The following DNAH12 variants were observed in gnomAD, a reference collection of about 807,000 sequenced individuals.
DNAH12 encodes the protein axonemal beta dynein heavy chain 12.
Under a neutral mutation model 371.5 loss-of-function variants are expected in DNAH12, and 285 were observed. The ratio of observed to expected loss-of-function variants is 0.77; its 90% CI spans 0.70 to 0.85. The LOEUF is 0.85. Among genes scored for constraint, DNAH12 ranks in the 40% least tolerant of loss-of-function variants. The probability of loss-of-function intolerance (pLI) is 0.00; values close to 1 mark genes in which losing one functional copy is unlikely to be tolerated. For missense variants in DNAH12, 3,611 were observed against 3,689.4 expected, an observed-to-expected ratio of 0.98 and a Z score of 0.55; for synonymous variants, 1,200 against 1,213.0, an observed-to-expected ratio of 0.99 and a Z score of 0.22.
In DNAH12 at chr3:57,336,469, T is replaced by C. The variant is rs1034374815; in HGVS notation, c.9675-1529A>G. 5.9e-5 allele frequency among the ~76,000 whole-genome samples: 9 copies of C among 152,186 alleles called. No homozygotes were observed. The East Asian group carries it at 1.5e-3, about 26-fold the overall frequency. On this transcript the variant is annotated intron_variant, in intron 60 of 73. Transcript: ENST00000495027. ...AAAAATACATAATCTGTTATAGGAATAGAAAAAAACCTAAAGATAAAAATA... is the reference window on the plus strand; with the variant it reads ...AAAAATACATAATCTGTTATAGGAACAGAAAAAAACCTAAAGATAAAAATA...
chr3:57,402,264 G>T, intron 43 of DNAH12: 1 of 610,502 alleles, frequency 1.6e-6, no homozygotes, highest in Non-Finnish European at 2.4e-6. Context: ...TGTAGAAATT[G>T]TTTGTGAAAG....
In DNAH12 at chr3:57,408,498, C is replaced by T. The variant is rs1266770563; in HGVS notation, c.6058G>A (p.Asp2020Asn). The T allele has an allele frequency of 1.0e-5, 16 of 1,549,620 alleles. No homozygotes were observed. The highest frequency in any genetic ancestry group is 1.3e-5 in the Non-Finnish European group (15 of 1,146,154). Residue 2020 changes from aspartate (D) to asparagine (N), a missense_variant, in exon 40 of 74, where the codon GAC (aspartate) becomes AAC (asparagine). Around this residue, in one of 3 missense-constraint regions of DNAH12, gnomAD observed 2,266 missense variants for 2,236.9 expected, o/e 1.01. Transcript: ENST00000495027. ...CCCATTGCAGCAATCAGCTCTATGT[C>T]CACCAGCGTGATTTTACTTGTGTCC... ...LKDTSKITLV[D>N]IELIAAMGPP... is the part of the protein sequence containing the mutation.
chr3:57,328,649 AC>A (rs1367701806), intron 62 of DNAH12, among the ~76,000 whole-genome samples: 3 of 147,362 alleles, frequency 2.0e-5, no homozygotes, highest in African/African-American at 7.5e-5. Flanking sequence ...GAAAACTGGC[AC>A]AAGACAGGGA....
chr3:57,321,767 T>C (rs957496701), intron 65 of DNAH12, among the ~76,000 whole-genome samples: 1 of 152,180 alleles, frequency 6.6e-6, no homozygotes, highest in East Asian at 1.9e-4. Context: ...TTGGTTACCA[T>C]ACATTTATAC....
chr3:57,428,585 T>C (rs778048523), intron 34 of DNAH12, 48 bp downstream of exon 34: 2 of 1,510,850 alleles, frequency 1.3e-6, no homozygotes, highest in Non-Finnish European at 1.8e-6. Context: ...TTAGTCAAGT[T>C]GAATGGAAAC....
intron 16 of DNAH12, among the ~76,000 whole-genome samples, chr3:57,469,911 T>A (rs1052706326): frequency 6.6e-6 from 1 of 152,044 alleles, no homozygotes; most frequent in African/African-American, 2.4e-5. Context: ...ATAGGATCAT[T>A]TGTACCCCAA....
chr3:57,296,582 G>A, intron 71 of DNAH12, 147 bp from the exon 72 acceptor site: 1 of 773,370 alleles, frequency 1.3e-6, no homozygotes, highest in Non-Finnish European at 2.0e-6. Flanking sequence ...GCCGTAGTTT[G>A]TAAAAAAGTA....
rs561941716 is a variant in DNAH12, at chr3:57,535,950, C to T, written c.170+6751G>A. 4.6e-5 allele frequency among the ~76,000 whole-genome samples: 7 copies of T among 151,982 alleles called. No homozygotes were observed. The East Asian group carries it at 7.7e-4, about 17-fold the overall frequency. On this transcript the variant is annotated intron_variant, in intron 2 of 73. Coordinates refer to ENST00000495027, the MANE Select transcript of DNAH12 (RefSeq NM_001366028.2). Reference sequence around the variant, plus strand: ...CTCCCGGGTTCAAGTGATTCTCCTGCCTCAGCCACCTGAGTCGCTGGGATT... The same window carrying T: ...CTCCCGGGTTCAAGTGATTCTCCTGTCTCAGCCACCTGAGTCGCTGGGATT...
At chr3:57,476,170 C>T (rs1293036449) in intron 13 of DNAH12, among the ~76,000 whole-genome samples, 2 of 151,902 alleles carry the variant, frequency 1.3e-5, no homozygotes, top group East Asian at 3.8e-4. Context: ...GGTATGATTC[C>T]CTTTATATAA....
At chr3:57,444,547 A>T (rs1216273142) in intron 29 of DNAH12, 150 bp downstream of exon 29, 7 of 1,188,622 alleles carry the variant, frequency 5.9e-6, no homozygotes, top group Non-Finnish European at 8.2e-6. Context: ...GAAAGTACCC[A>T]AATTTACTTA....
chr3:57,451,182 A>G (rs956731146), intron 25 of DNAH12, among the ~76,000 whole-genome samples: 4 of 152,230 alleles, frequency 2.6e-5, no homozygotes, highest in Admixed American at 2.6e-4. Flanking sequence ...AAGAATTGCC[A>G]CTTCATTTCT....
At chr3:57,466,119 G>T (rs1219025709) in intron 17 of DNAH12, among the ~76,000 whole-genome samples, 3 of 151,684 alleles carry the variant, frequency 2.0e-5, no homozygotes, top group Non-Finnish European at 4.4e-5. Context: ...TTATATAGGT[G>T]TGAAAAAAAT....
intron 55 of DNAH12, among the ~76,000 whole-genome samples, chr3:57,369,208 T>C (rs890616561): frequency 4.0e-5 from 4 of 98,890 alleles, no homozygotes; most frequent in African/African-American, 1.3e-4. Flanking sequence ...CAACAAAGAT[T>C]GAAACTCCAT....
intron 51 of DNAH12, 72 bp from the exon 52 acceptor site, chr3:57,379,370 T>C (rs982322951): frequency 3.3e-5 from 5 of 152,122 alleles, no homozygotes; most frequent in African/African-American, 7.2e-5. Flanking sequence ...AAAAATCATA[T>C]ACAATAAAAA....
chr3:57,545,002 T>G (rs1306153431), upstream of DNAH12, among the ~76,000 whole-genome samples: 2 of 152,018 alleles, frequency 1.3e-5, no homozygotes, highest in Non-Finnish European at 2.9e-5. Context: ...TTTTTTTTTT[T>G]TTTTTAATGA....
At chr3:57,451,044 G>A (rs894102378) in intron 25 of DNAH12, among the ~76,000 whole-genome samples, 1 of 152,206 alleles carries the variant, frequency 6.6e-6, no homozygotes, top group African/African-American at 2.4e-5. Context: ...AGAGTGCCCT[G>A]TGAGAGCAGG....
intron 4 of DNAH12, among the ~76,000 whole-genome samples, chr3:57,518,996 C>T (rs1559745010): frequency 6.6e-6 from 1 of 152,182 alleles, no homozygotes; most frequent in South Asian, 2.1e-4. Context: ...AATAGAGAAC[C>T]AGATGAATAA....
chr3:57,433,923 C>T, intron 30 of DNAH12, 95 bp from the exon 31 acceptor site: 2 of 1,084,580 alleles, frequency 1.8e-6, no homozygotes. Flanking sequence ...ATAATTACTA[C>T]TTATAATTTT....
At chr3:57,545,893 G>A (rs2069540608), upstream of DNAH12, among the ~76,000 whole-genome samples, 3 of 151,934 alleles carry the variant, frequency 2.0e-5, no homozygotes, top group South Asian at 6.2e-4. Context: ...GGGCTCCCAG[G>A]GAAAAAAAAG....
Sources: gnomAD v4.1 joint callset for allele counts (sites outside exome capture counted in the v4.1 genomes callset) on GRCh38, gnomAD v4.1.1 for gene constraint, gnomAD v4.1.1 regional missense constraint, MANE v1.5 for transcripts, NCBI Gene and HGNC (gene_info 2026-07-23, HGNC 2026-07-21) for gene names.